SEPTIN10: variants seen among roughly 807,000 people sequenced by gnomAD.
SEPTIN10 encodes septin 10, also known as septin-10.
A neutral mutation model predicts 54.8 loss-of-function variants in SEPTIN10; 66 were observed. The ratio of observed to expected loss-of-function variants is 1.21; its 90% CI spans 0.99 to 1.48. The LOEUF (loss-of-function observed/expected upper bound fraction) is 1.48. SEPTIN10 is among the 40% of genes most tolerant of loss of function. The pLI is 0.00. For missense variants in SEPTIN10, 620 were observed against 545.6 expected, an observed-to-expected ratio of 1.14 and a Z score of -1.36; for synonymous variants, 161 against 181.0, an observed-to-expected ratio of 0.89 and a Z score of 0.89.
chr2:109,543,628 T>C lies in SEPTIN10; in HGVS notation c.*681A>G, dbSNP rs534325449. On this transcript the variant is annotated 3_prime_UTR_variant, in exon 11 of 11. Coordinates refer to ENST00000397712, the MANE Select transcript of SEPTIN10 (RefSeq NM_144710.5). ...GGTTCATCTTGGAATATAAATGTAA[T>C]CAGATAGCCACGATATTAATGGGTT... 6 of 152,380 alleles carry C rather than the reference T, an allele frequency of 3.9e-5. No individual in the cohort carries two copies. Among genetic ancestry groups the C allele is most frequent in the Admixed American group, 3.9e-4 (6 of 15,310 alleles). The allele number at this position is 152,380 out of a possible 1,614,324, so 9.4% of individuals were successfully genotyped here. A position where few individuals can be genotyped will look rare whatever the true frequency, so the allele number is the denominator to read the frequency against.
rs569462592 is a variant in SEPTIN10, at chr2:109,562,503, T to G, written c.1028+1863A>C. On this transcript the variant is annotated intron_variant, in intron 8 of 10. Coordinates refer to ENST00000397712, the MANE Select transcript of SEPTIN10 (RefSeq NM_144710.5). The stretch of plus-strand genomic sequence containing the variant: ...AATGACTAGCATTTGGCTGAGCAGA[T>G]AGCAGACAAACTATTTGCTGAATGA... Among the ~76,000 whole-genome samples the G allele has an allele frequency of 3.3e-5, 5 of 151,854 alleles. No homozygotes were observed. In the South Asian group the frequency reaches 6.2e-4, roughly 19 times the overall value.
intron 8 of SEPTIN10, among the ~76,000 whole-genome samples, chr2:109,561,514 TTAAGA>T (rs1262350382): frequency 1.3e-5 from 2 of 152,206 alleles, no homozygotes; most frequent in African/African-American, 4.8e-5. Flanking sequence ...AAAAAAATAC[TTAAGA>T]TTTTACCCAG....
chr2:109,598,304 G>A lies in SEPTIN10; in HGVS notation c.31-5185C>T, dbSNP rs75232079. Among the ~76,000 whole-genome samples the A allele has an allele frequency of 2.2e-3, 330 of 152,074 alleles. 6 individuals carry two copies. The East Asian group carries it at 0.05, about 23-fold the overall frequency. On this transcript the variant is annotated intron_variant, in intron 1 of 10. Coordinates refer to ENST00000397712, the MANE Select transcript of SEPTIN10 (RefSeq NM_144710.5). ...GCTAGTCTCGAACTCCCAACCTCAG[G>A]TGATCCGCCCACCTCAGCCTCCCAA...
In SEPTIN10 at chr2:109,582,388, C is replaced by T. The variant is rs151025803; in HGVS notation, c.413+2738G>A. On this transcript the variant is annotated intron_variant, in intron 4 of 10. Transcript: ENST00000397712. ...GGCTGGAAGGGCAGTGGCATGATCA[C>T]GGCTCACTGCAGCTTCGACTTCCCA... Among the ~76,000 whole-genome samples, 389 of 152,252 alleles carry T rather than the reference C, an allele frequency of 2.6e-3. 2 individuals carry two copies. The highest frequency in any genetic ancestry group is 4.5e-3 in the Non-Finnish European group (305 of 68,022).
chr2:109,589,741 A>C (rs60524887), intron 2 of SEPTIN10, among the ~76,000 whole-genome samples: 9,780 of 151,854 alleles, frequency 0.064, 750 homozygotes, highest in East Asian at 0.24. Context: ...ATAGCCAAAA[A>C]AAACCCGCTT....
intron 10 of SEPTIN10, chr2:109,544,625 A>C (rs1473815894): frequency 2.1e-6 from 2 of 943,712 alleles, no homozygotes; most frequent in East Asian, 2.3e-4. Context: ...GGGAAATCTA[A>C]TTTTAGTAAC....
chr2:109,612,467 G>C (rs933799378), intron 1 of SEPTIN10, among the ~76,000 whole-genome samples: 1 of 152,184 alleles, frequency 6.6e-6, no homozygotes, highest in Admixed American at 6.5e-5. Context: ...GTGGATAAAG[G>C]GTACAGGGTT....
intron 8 of SEPTIN10, among the ~76,000 whole-genome samples, chr2:109,554,403 A>G (rs1440629020): frequency 6.6e-6 from 1 of 152,146 alleles, no homozygotes; most frequent in Non-Finnish European, 1.5e-5. Context: ...TCATTCATTC[A>G]TTCTCCAACC....
At chr2:109,582,075 GACACACACACACACACACAC>G (rs55880328) in intron 4 of SEPTIN10, among the ~76,000 whole-genome samples, 3 of 143,884 alleles carry the variant, frequency 2.1e-5, no homozygotes, top group African/African-American at 2.5e-5. Flanking sequence ...ATGTACAACA[GACACACACACACACACACAC>G]ACACACACAC....
chr2:109,554,439 G>C (rs1474707680), intron 8 of SEPTIN10, among the ~76,000 whole-genome samples: 1 of 152,092 alleles, frequency 6.6e-6, no homozygotes, highest in Admixed American at 6.6e-5. Context: ...AGGGTCATGG[G>C]TGGCTGGAGC....
At chr2:109,609,248 G>A (rs1433165044) in intron 1 of SEPTIN10, among the ~76,000 whole-genome samples, 1 of 152,106 alleles carries the variant, frequency 6.6e-6, no homozygotes, top group Non-Finnish European at 1.5e-5. Context: ...CATTCAGCAA[G>A]AATAAAATTG....
At chr2:109,578,146 A>G (rs1171097252) in intron 4 of SEPTIN10, among the ~76,000 whole-genome samples, 2 of 152,140 alleles carry the variant, frequency 1.3e-5, no homozygotes, top group African/African-American at 4.8e-5. Context: ...CTGGCAGGAC[A>G]AACAGGAAAC....
chr2:109,565,635 T>C (rs1355983261), intron 7 of SEPTIN10, 128 bp downstream of exon 7: 4 of 813,630 alleles, frequency 4.9e-6, no homozygotes, highest in Non-Finnish European at 8.3e-6. Context: ...TTGGCTAAAA[T>C]AGTACACAGC....
At chr2:109,574,862 A>C (rs1020860332) in intron 4 of SEPTIN10, 95 bp from the exon 5 acceptor site, 3 of 799,548 alleles carry the variant, frequency 3.8e-6, no homozygotes, top group Admixed American at 3.5e-5. Flanking sequence ...ATTTTCACTA[A>C]TTAATAAACA....
In SEPTIN10 at chr2:109,585,775, G is replaced by C. The variant is rs575725787; in HGVS notation, c.163C>G (p.Gln55Glu). The change falls in exon 3 of 11, where the codon CAG becomes GAG. Residue 55 changes from glutamine (Q) to glutamate (E), a missense_variant. Coordinates refer to ENST00000397712, the MANE Select transcript of SEPTIN10 (RefSeq NM_144710.5). ...TGCTGAATGGATCTGTTCACCAGCT[G>C]ATCAGGCAAACTCTCAAAACCAACA... is the stretch of plus-strand genomic sequence containing the variant. ...GHVGFESLPD[Q>E]LVNRSIQQGF... 125 of 1,613,740 alleles carry C rather than the reference G, an allele frequency of 7.7e-5. 4 individuals carry two copies. In the South Asian group the frequency reaches 1.2e-3, roughly 15 times the overall value.
At chr2:109,545,263 A>C (rs959647604) in intron 10 of SEPTIN10, 4 of 1,387,374 alleles carry the variant, frequency 2.9e-6, no homozygotes, top group Non-Finnish European at 3.7e-6. Context: ...CCAAATAGTT[A>C]AACCGACAGG....
intron 1 of SEPTIN10, chr2:109,605,721 T>C (rs1387718485): frequency 1.3e-5 from 2 of 152,152 alleles, no homozygotes; most frequent in African/African-American, 4.8e-5. Context: ...TATAATGCTG[T>C]ATTAGGTTCT....
intron 9 of SEPTIN10, among the ~76,000 whole-genome samples, chr2:109,546,904 A>G (rs758901102): frequency 1.6e-4 from 25 of 152,234 alleles, no homozygotes; most frequent in Non-Finnish European, 3.4e-4. Context: ...AATTAATGCT[A>G]AATACATTTG....
At chr2:109,585,072 G>T in intron 4 of SEPTIN10, 54 bp downstream of exon 4, 1 of 1,120,160 alleles carries the variant, frequency 8.9e-7, no homozygotes, top group Non-Finnish European at 1.3e-6. Context: ...GGGCTATAAG[G>T]CGAATGTCTT....
Sources: gnomAD v4.1 joint callset for allele counts (sites outside exome capture counted in the v4.1 genomes callset) on GRCh38, gnomAD v4.1.1 for gene constraint, MANE v1.5 for transcripts, NCBI Gene and HGNC (gene_info 2026-07-23, HGNC 2026-07-21) for gene names.